The following PLIN3 variants were observed in gnomAD, a reference collection of about 807,000 sequenced individuals.
PLIN3 encodes the protein perilipin-3.
PLIN3 carries 30 observed loss-of-function variants against 35.9 expected under a neutral mutation model. The ratio of observed to expected loss-of-function variants is 0.84; its 90% CI spans 0.62 to 1.13. PLIN3 has a LOEUF of 1.13. Ranked by LOEUF, PLIN3 falls within the 50% of genes most tolerant of loss-of-function variation. PLIN3 has a pLI of 0.00. For missense variants in PLIN3, 603 were observed against 596.9 expected (o/e 1.01, Z -0.11); for synonymous variants, 261 against 262.5 (o/e 0.99, Z 0.06).
intron 6 of PLIN3, among the ~76,000 whole-genome samples, chr19:4,847,180 A>C (rs1485638172): frequency 7.6e-6 from 1 of 132,146 alleles, no homozygotes; most frequent in Non-Finnish European, 1.6e-5. Context: ...GAGCCACCGC[A>C]CCTGGCCACG....
At chr19:4,853,976 A>G (rs1335461962) in intron 4 of PLIN3, among the ~76,000 whole-genome samples, 1 of 148,000 alleles carries the variant, frequency 6.8e-6, no homozygotes, top group Non-Finnish European at 1.5e-5. Flanking sequence ...TGTGTCACTC[A>G]GGCTGGAGTG....
In PLIN3 at chr19:4,860,037, A is replaced by G; in HGVS notation, c.67-13T>C. ...CCACCACACTGGGCTACAGGAGAGA[A>G]GTGGCTCAGGCAAACTGGGTGGGGG... On this transcript the variant is annotated splice_polypyrimidine_tract_variant and intron_variant, in intron 2 of 7. Transcript: ENST00000221957. 6.2e-7 allele frequency: 1 copy of G among 1,613,572 alleles called. No homozygotes were observed. Among genetic ancestry groups the G allele is most frequent in the Non-Finnish European group, 8.5e-7 (1 of 1,179,762 alleles).
intron 5 of PLIN3, among the ~76,000 whole-genome samples, chr19:4,850,974 A>C (rs1165584477): frequency 4.6e-5 from 7 of 152,252 alleles, no homozygotes; most frequent in Non-Finnish European, 1.5e-5. Flanking sequence ...CTGGGATGAC[A>C]GAGGGAGACC....
At position 4,844,403 on chromosome 19, in the gene PLIN3, T is replaced by C. The variant is rs368183510; in HGVS notation, c.960+265A>G. 2.0e-5 allele frequency among the ~76,000 whole-genome samples: 3 copies of C among 151,888 alleles called. No individual in the cohort carries two copies. In the East Asian group the frequency reaches 5.8e-4, roughly 29 times the overall value. Reference sequence around the variant, plus strand: ...ATCACTCGAACCCAGGAGGTGGAGGTTGCAGTGAGCCAAGATCATGCCATT... The same window carrying C: ...ATCACTCGAACCCAGGAGGTGGAGGCTGCAGTGAGCCAAGATCATGCCATT... On this transcript the variant is annotated intron_variant, in intron 7 of 7. Transcript: ENST00000221957.
chr19:4,847,549 C>A (rs961474252), intron 6 of PLIN3, 142 bp downstream of exon 6: 8 of 721,686 alleles, frequency 1.1e-5, no homozygotes, highest in Admixed American at 2.5e-5. Flanking sequence ...AATGAGTGTA[C>A]AACCAGATAC....
intron 5 of PLIN3, among the ~76,000 whole-genome samples, chr19:4,850,229 C>T (rs1488401559): frequency 6.6e-6 from 1 of 151,822 alleles, no homozygotes; most frequent in Non-Finnish European, 1.5e-5. Flanking sequence ...CAGCCATGAG[C>T]CACTGCGCCC....
Position 4,859,810 on chromosome 19 carries a change from C to T in PLIN3, c.265+16G>A. Reference sequence around the variant, plus strand: ...GACCAGGAGGGGAATTCAGTGCCCCCTGGGACTTCACCCACTCTGGGGCTC... The same window carrying T: ...GACCAGGAGGGGAATTCAGTGCCCCTTGGGACTTCACCCACTCTGGGGCTC... On this transcript the variant is annotated intron_variant, in intron 3 of 7. Transcript: ENST00000221957. 1 of 1,612,948 alleles carries T rather than the reference C, an allele frequency of 6.2e-7. No individual in the cohort carries two copies. Among genetic ancestry groups the T allele is most frequent in the Non-Finnish European group, 8.5e-7 (1 of 1,179,694 alleles).
intron 6 of PLIN3, among the ~76,000 whole-genome samples, chr19:4,846,109 C>G (rs1312460714): frequency 6.6e-6 from 1 of 151,754 alleles, no homozygotes; most frequent in African/African-American, 2.4e-5. Context: ...CGCCTGTAGT[C>G]CCAGCTACCA....
chr19:4,856,078 C>CT, intron 4 of PLIN3, among the ~76,000 whole-genome samples: 1 of 152,198 alleles, frequency 6.6e-6, no homozygotes, highest in Non-Finnish European at 1.5e-5. Flanking sequence ...GATGAATAAG[C>CT]TGCCTGTCCC....
In PLIN3 at chr19:4,859,860, C is replaced by A. The variant is rs1002107126; in HGVS notation, c.231G>T (p.Gly77=). 6.2e-6 allele frequency: 10 copies of A among 1,613,020 alleles called. No homozygotes were observed. The highest frequency in any genetic ancestry group is 6.8e-6 in the Non-Finnish European group (8 of 1,179,984). The change falls in exon 3 of 8, where the codon GGG becomes GGT. Residue 77 remains glycine, a synonymous_variant. Coordinates refer to ENST00000221957, the MANE Select transcript of PLIN3 (RefSeq NM_005817.5). ...CCAGCTTGGAGAGGATCGGCTGAGC[C>A]CCGCTGACAGCAGCCGCCGTGAGGG... The part of the protein sequence containing the change: ...VRTLTAAAVS[G]AQPILSKLEP...
chr19:4,859,755 T>A (rs938913879), intron 3 of PLIN3, 71 bp downstream of exon 3: 4 of 1,596,768 alleles, frequency 2.5e-6, no homozygotes, highest in Non-Finnish European at 3.4e-6. Context: ...AAGAGCTGGG[T>A]AGACCCCCCT....
intron 6 of PLIN3, among the ~76,000 whole-genome samples, chr19:4,847,328 T>A (rs948647705): frequency 2.0e-5 from 3 of 151,990 alleles, no homozygotes; most frequent in Admixed American, 2.0e-4. Context: ...TAGCTGAGAT[T>A]ACAGGCACGC....
Position 4,862,955 on chromosome 19 carries a change from G to C in PLIN3, c.-17-1544C>G, listed in dbSNP as rs146681127. Among the ~76,000 whole-genome samples the C allele has an allele frequency of 4.6e-5, 7 of 151,380 alleles. No homozygotes were observed. The East Asian group carries it at 1.4e-3, about 30-fold the overall frequency. On this transcript the variant is annotated intron_variant, in intron 1 of 7. Transcript: ENST00000221957. ...GGGTGGAACACGAGGTCAGGAGTTC[G>C]AGTCCAGCCTGGCCAACATAGTGAA...
intron 1 of PLIN3, among the ~76,000 whole-genome samples, chr19:4,865,951 C>CT (rs1453789620): frequency 6.6e-6 from 1 of 151,044 alleles, no homozygotes; most frequent in Middle Eastern, 3.2e-3. Context: ...TCTCGATCTC[C>CT]TGACCTCATG....
At chr19:4,842,002 T>C (rs975353136) in intron 7 of PLIN3, among the ~76,000 whole-genome samples, 8 of 150,344 alleles carry the variant, frequency 5.3e-5, no homozygotes, top group Admixed American at 4.6e-4. Context: ...TAGGCAGAAG[T>C]TGTAAACCAT....
In PLIN3 at chr19:4,839,052, A is replaced by G; in HGVS notation, c.*140T>C. 3.1e-6 allele frequency: 2 copies of G among 641,066 alleles called. No individual in the cohort carries two copies. 39.7% of individuals were successfully genotyped at this position (641,066 alleles called of 1,614,324 possible). A position where few individuals can be genotyped will look rare whatever the true frequency, so the allele number is the denominator to read the frequency against. On this transcript the variant is annotated 3_prime_UTR_variant, in exon 8 of 8. Coordinates refer to ENST00000221957, the MANE Select transcript of PLIN3 (RefSeq NM_005817.5). ...TCAACTGGGTGATGCCCGTTTTGAG[A>G]GCCTTAGCTTCCCAAGTGGACAGCA...
At chr19:4,847,336 C>T (rs1177197863) in intron 6 of PLIN3, among the ~76,000 whole-genome samples, 1 of 151,896 alleles carries the variant, frequency 6.6e-6, no homozygotes, top group East Asian at 1.9e-4. Context: ...ATTACAGGCA[C>T]GCACCACCAC....
At chr19:4,864,098 A>AATGTGTGTGTGTGTGT (rs1172963843) in intron 1 of PLIN3, among the ~76,000 whole-genome samples, 23 of 125,374 alleles carry the variant, frequency 1.8e-4, no homozygotes, top group African/African-American at 5.1e-4. Context: ...ACACCTGGCT[A>AATGTGTGTGTGTGTGT]GTGTGTGTGT....
intron 7 of PLIN3, among the ~76,000 whole-genome samples, chr19:4,841,910 A>G (rs1208544514): frequency 4.0e-5 from 3 of 75,600 alleles, no homozygotes; most frequent in African/African-American, 2.1e-4. Context: ...ATCTCAAAAA[A>G]AAAAAAAAAA....
Sources: gnomAD v4.1 joint callset for allele counts (sites outside exome capture counted in the v4.1 genomes callset) on GRCh38, gnomAD v4.1.1 for gene constraint, MANE v1.5 for transcripts, NCBI Gene and HGNC (gene_info 2026-07-23, HGNC 2026-07-21) for gene names.